The following SH3TC2 variants were observed in gnomAD, a reference collection of about 807,000 sequenced individuals.
SH3TC2 encodes SH3 domain and tetratricopeptide repeat-containing protein 2.
A neutral mutation model predicts 124.5 loss-of-function variants in SH3TC2; 87 were observed. The observed-to-expected ratio is 0.70, with a 90% CI of 0.59 to 0.84. SH3TC2 has a LOEUF of 0.84. Among genes scored for constraint, SH3TC2 ranks in the 40% least tolerant of loss-of-function variants. The pLI is 0.00. For synonymous variants in SH3TC2, 634 were observed against 628.5 expected (o/e 1.01, Z -0.13); for missense variants, 1,536 against 1,566.4 (o/e 0.98, Z 0.33).
chr5:149,011,944 A>C lies in SH3TC2; in HGVS notation c.3204+640T>G, dbSNP rs115715851. Among the ~76,000 whole-genome samples, 437 of 152,330 alleles carry C rather than the reference A, an allele frequency of 2.9e-3. 4 individuals carry two copies. The highest frequency in any genetic ancestry group is 0.01 in the African/African-American group (420 of 41,574). On this transcript the variant is annotated intron_variant, in intron 13 of 16. Coordinates refer to ENST00000515425, the MANE Select transcript of SH3TC2 (RefSeq NM_024577.4). Reference sequence around the variant, plus strand: ...AAATGCTTACTATGCATTTACTACTATGCAAGTGAGATATATAATTTTTGT... The same window carrying C: ...AAATGCTTACTATGCATTTACTACTCTGCAAGTGAGATATATAATTTTTGT...
In SH3TC2 at chr5:149,028,056, T is replaced by C. The variant is rs887007974; in HGVS notation, c.1676A>G (p.Asn559Ser). The C allele has an allele frequency of 1.9e-6, 3 of 1,614,078 alleles. No individual in the cohort carries two copies. Among genetic ancestry groups the C allele is most frequent in the Admixed American group, 1.7e-5 (1 of 60,030 alleles). ...CAAGGATAGGTCCTCAAATGCTCCA[T>C]TGAGAATGTGGATGGCCTCCTCGAA... ...VYFEEAIHILNGAFEDLSLVA... is the reference protein window; with the variant it reads ...VYFEEAIHILSGAFEDLSLVA... Residue 559 changes from asparagine (N) to serine (S), a missense_variant, in exon 11 of 17, where the codon AAT (asparagine) becomes AGT (serine). Coordinates refer to ENST00000515425, the MANE Select transcript of SH3TC2 (RefSeq NM_024577.4).
intron 1 of SH3TC2, among the ~76,000 whole-genome samples, chr5:149,060,128 C>T (rs150133251): frequency 0.029 from 4,468 of 152,246 alleles, 292 homozygotes; most frequent in Admixed American, 0.16. Flanking sequence ...TCAACAGAGG[C>T]GAATGTATCT....
chr5:149,010,530 C>G (rs77231639), intron 13 of SH3TC2, 138 bp from the exon 14 acceptor site: 3 of 1,136,526 alleles, frequency 2.6e-6, no homozygotes, highest in African/African-American at 1.5e-5. Context: ...TGTCTTCACA[C>G]TCCTAGGGCT....
At chr5:149,040,541 T>C (rs1182774094) in intron 7 of SH3TC2, 63 bp downstream of exon 7, 2 of 1,478,472 alleles carry the variant, frequency 1.4e-6, no homozygotes, top group African/African-American at 2.8e-5. Context: ...AACCTGCAGA[T>C]AAAATTGAGA....
At chr5:149,059,661 A>T (rs1409212891) in intron 1 of SH3TC2, among the ~76,000 whole-genome samples, 2 of 151,862 alleles carry the variant, frequency 1.3e-5, no homozygotes, top group Non-Finnish European at 2.9e-5. Flanking sequence ...AAAAAAAAAA[A>T]GTTGCATCAT....
chr5:149,026,811 G>T, intron 11 of SH3TC2, 49 bp downstream of exon 11: 2 of 1,614,144 alleles, frequency 1.2e-6, no homozygotes, highest in South Asian at 2.2e-5. Context: ...GATAAAACTT[G>T]ATCCAACACT....
At chr5:149,013,860 A>C (rs1177031906) in intron 12 of SH3TC2, among the ~76,000 whole-genome samples, 1 of 152,206 alleles carries the variant, frequency 6.6e-6, no homozygotes, top group Non-Finnish European at 1.5e-5. Context: ...AAACGTGTAC[A>C]CTGCCACACT....
intron 12 of SH3TC2, among the ~76,000 whole-genome samples, chr5:149,020,119 C>A (rs1753944557): frequency 1.3e-5 from 2 of 149,026 alleles, no homozygotes; most frequent in African/African-American, 4.9e-5. Context: ...GTCAAACACA[C>A]ACACACACAC....
chr5:148,983,974 T>C lies in SH3TC2; in HGVS notation c.*20737A>G, dbSNP rs1753294037. Among the ~76,000 whole-genome samples, 1 of 152,204 alleles carries C rather than the reference T, an allele frequency of 6.6e-6. No individual in the cohort carries two copies. Among genetic ancestry groups the C allele is most frequent in the African/African-American group, 2.4e-5 (1 of 41,450 alleles). ...GTGGTTTTTAAGTCACTTGAACCAA[T>C]ACATTTTTTTAAAATTACTTAAGCC... On this transcript the variant is annotated 3_prime_UTR_variant, in exon 17 of 17. Coordinates refer to ENST00000515425, the MANE Select transcript of SH3TC2 (RefSeq NM_024577.4).
In SH3TC2 at chr5:149,007,025, G is replaced by A. The variant is rs747405272; in HGVS notation, c.3531C>T (p.Tyr1177=). 12 of 1,614,100 alleles carry A rather than the reference G, an allele frequency of 7.4e-6. No individual in the cohort carries two copies. Among genetic ancestry groups the A allele is most frequent in the Non-Finnish European group, 9.3e-6 (11 of 1,180,042 alleles). Residue 1177 remains tyrosine, a synonymous_variant, in exon 16 of 17, where the codon TAC becomes TAT. Transcript: ENST00000515425. ...CAGCCATCTCATACATGTGCAGGGA[G>A]TAGTACACTGTAGCCAGGCGGTGAA... The part of the protein sequence containing the change: ...VAFHRLATVY[Y]SLHMYEMAED...
At position 149,004,476 on chromosome 5, in the gene SH3TC2, A is replaced by T; in HGVS notation, c.*235T>A. On this transcript the variant is annotated 3_prime_UTR_variant, in exon 17 of 17. Coordinates refer to ENST00000515425, the MANE Select transcript of SH3TC2 (RefSeq NM_024577.4). ...GCTGTTTGTGTGGAAGGCAACAGTCAACCGGTAAAGGCTCCAGATGCAAAG... is the reference window on the plus strand; with the variant it reads ...GCTGTTTGTGTGGAAGGCAACAGTCTACCGGTAAAGGCTCCAGATGCAAAG... 1 of 545,944 alleles carries T rather than the reference A, an allele frequency of 1.8e-6. No individual in the cohort carries two copies. Among genetic ancestry groups the T allele is most frequent in the Non-Finnish European group, 3.3e-6 (1 of 306,934 alleles). The allele number at this position is 545,944 out of a possible 1,614,324, so 33.8% of individuals were successfully genotyped here.
chr5:149,010,953 C>T (rs1435303227), intron 13 of SH3TC2, among the ~76,000 whole-genome samples: 1 of 152,192 alleles, frequency 6.6e-6, no homozygotes, highest in East Asian at 1.9e-4. Context: ...CAGCTTCATG[C>T]CAATAGTCAG....
rs1753396714 is a variant in SH3TC2 at position 148,989,995 on chromosome 5, G to A, written c.*14716C>T. ...GTGTGTGTTTGATGGGGTGGGGGCT[G>A]CTTCTTTTCTAGGAGTCATTTCCAA... On this transcript the variant is annotated 3_prime_UTR_variant, in exon 17 of 17. Coordinates refer to ENST00000515425, the MANE Select transcript of SH3TC2 (RefSeq NM_024577.4). Among the ~76,000 whole-genome samples, 1 of 152,040 alleles carries A rather than the reference G, an allele frequency of 6.6e-6. No homozygotes were observed. The highest frequency in any genetic ancestry group is 1.5e-5 in the Non-Finnish European group (1 of 68,012).
intron 8 of SH3TC2, among the ~76,000 whole-genome samples, chr5:149,038,011 AC>A (rs1182497738): frequency 6.6e-6 from 1 of 152,150 alleles, no homozygotes; most frequent in Non-Finnish European, 1.5e-5. Context: ...GGATCCAAGT[AC>A]CAAAACCACA....
At chr5:149,057,908 G>A (rs923528562) in intron 1 of SH3TC2, among the ~76,000 whole-genome samples, 1 of 152,212 alleles carries the variant, frequency 6.6e-6, no homozygotes, top group African/African-American at 2.4e-5. Context: ...ATGGCCACAT[G>A]ATCAAAGTTA....
intron 9 of SH3TC2, 96 bp downstream of exon 9, chr5:149,031,458 G>A: frequency 1.3e-6 from 2 of 1,536,216 alleles, no homozygotes; most frequent in Non-Finnish European, 1.8e-6. Context: ...TTCATGAATA[G>A]GATTAGAATT....
intron 16 of SH3TC2, among the ~76,000 whole-genome samples, chr5:149,006,474 T>C (rs1378376222): frequency 6.6e-6 from 1 of 152,238 alleles, no homozygotes; most frequent in Non-Finnish European, 1.5e-5. Flanking sequence ...TGTAACATTT[T>C]ATGGACAAAC....
chr5:149,006,267 A>G, intron 16 of SH3TC2: 1 of 168,174 alleles, frequency 5.9e-6, no homozygotes, highest in Non-Finnish European at 1.3e-5. Flanking sequence ...CCAAAAAAAA[A>G]GCAAGCAAGC....
At chr5:149,032,197 G>T (rs941002153) in intron 8 of SH3TC2, among the ~76,000 whole-genome samples, 1 of 152,170 alleles carries the variant, frequency 6.6e-6, no homozygotes, top group African/African-American at 2.4e-5. Context: ...TTTCACCATT[G>T]TTAAGGTCTG....
Sources: gnomAD v4.1 joint callset for allele counts (sites outside exome capture counted in the v4.1 genomes callset) on GRCh38, gnomAD v4.1.1 for gene constraint, MANE v1.5 for transcripts, NCBI Gene and HGNC (gene_info 2026-07-23, HGNC 2026-07-21) for gene names.